Variants in ASTN2 observed in about 807,000 individuals in gnomAD.
ASTN2 encodes the protein astrotactin-2.
In ASTN2, 54 loss-of-function variants were observed where a neutral mutation model predicts 139.8. The ratio of observed to expected loss-of-function variants is 0.39; its 90% CI spans 0.31 to 0.48. The LOEUF (loss-of-function observed/expected upper bound fraction) is 0.48. Among genes scored for constraint, ASTN2 ranks in the 20% least tolerant of loss-of-function variants. The pLI is 0.95. For missense variants in ASTN2, 1,565 were observed against 1,725.1 expected (o/e 0.91, Z 1.64); for synonymous variants, 756 against 719.5 (o/e 1.05, Z -0.81).
At chr9:116,461,877 GGAC>G (rs1441383414) in intron 20 of ASTN2, among the ~76,000 whole-genome samples, 1 of 152,086 alleles carries the variant, frequency 6.6e-6, no homozygotes, top group African/African-American at 2.4e-5. Flanking sequence ...ATTCACAGAT[GGAC>G]GACAACAGTG....
intron 7 of ASTN2, among the ~76,000 whole-genome samples, chr9:117,006,192 G>A (rs140471929): frequency 1.4e-4 from 22 of 152,058 alleles, no homozygotes; most frequent in Admixed American, 1.4e-3. Flanking sequence ...GGTTGCTAGA[G>A]GTTCTACTAC....
rs10983553 is a variant in ASTN2 at position 117,153,490 on chromosome 9, C to T, written c.1016-12012G>A. 3.3e-5 allele frequency among the ~76,000 whole-genome samples: 5 copies of T among 152,114 alleles called. No homozygotes were observed. In the East Asian group the frequency reaches 7.8e-4, roughly 24 times the overall value. On this transcript the variant is annotated intron_variant, in intron 3 of 22. Coordinates refer to ENST00000313400, the MANE Select transcript of ASTN2 (RefSeq NM_001365068.1). ...TGGCAGTGACTGACTGAAACACAACCCTTCAAGATACATATCATTATCTCT... is the reference window on the plus strand; with the variant it reads ...TGGCAGTGACTGACTGAAACACAACTCTTCAAGATACATATCATTATCTCT...
chr9:116,889,456 CG>C (rs547174111), intron 10 of ASTN2, among the ~76,000 whole-genome samples: 4 of 152,162 alleles, frequency 2.6e-5, no homozygotes, highest in South Asian at 4.2e-4. Flanking sequence ...CCCTGGCTTC[CG>C]GGTCCATCTC....
In ASTN2 at chr9:117,250,918, A is replaced by G. The variant is rs75974527; in HGVS notation, c.631-36176T>C. Among the ~76,000 whole-genome samples the G allele has an allele frequency of 9.5e-4, 145 of 152,300 alleles. 3 individuals are homozygous for G. In the East Asian group the frequency reaches 0.026, roughly 28 times the overall value. ...GAGTGATCTGATGAAGTGGGTGAGG[A>G]TAAGACAGGAAAACCCTGAGTCACC... is the stretch of plus-strand genomic sequence containing the variant. On this transcript the variant is annotated intron_variant, in intron 2 of 22. Coordinates refer to ENST00000313400, the MANE Select transcript of ASTN2 (RefSeq NM_001365068.1).
chr9:117,242,020 T>C (rs900790301), intron 2 of ASTN2, among the ~76,000 whole-genome samples: 12 of 141,500 alleles, frequency 8.5e-5, no homozygotes, highest in Non-Finnish European at 3.1e-5. Context: ...TTTTTTTTTT[T>C]TTTTTTTTTT....
At chr9:116,555,625 C>A (rs1852576364) in intron 19 of ASTN2, among the ~76,000 whole-genome samples, 1 of 151,864 alleles carries the variant, frequency 6.6e-6, no homozygotes, top group African/African-American at 2.4e-5. Context: ...GCTCTGAAGT[C>A]ACTGACAGAA....
At chr9:117,039,278 A>G (rs2132646807) in intron 6 of ASTN2, among the ~76,000 whole-genome samples, 1 of 152,322 alleles carries the variant, frequency 6.6e-6, no homozygotes, top group East Asian at 1.9e-4. Context: ...TGTCCTTTGT[A>G]GGGACATGGA....
intron 2 of ASTN2, among the ~76,000 whole-genome samples, chr9:117,282,629 ATAGAATGTGAG>A: frequency 6.7e-6 from 1 of 149,662 alleles, no homozygotes; most frequent in African/African-American, 2.6e-5. Context: ...GCTTTGGCCG[ATAGAATGTGAG>A]AGAACCCACA....
In ASTN2 at chr9:117,082,866, G is replaced by A. The variant is rs7022106; in HGVS notation, c.1276+13178C>T. Among the ~76,000 whole-genome samples the A allele has an allele frequency of 4.5e-3, 681 of 152,238 alleles. 2 individuals carry two copies. Among genetic ancestry groups the A allele is most frequent in the African/African-American group, 0.015 (634 of 41,530 alleles). ...CTCGTCATTTCATGGAGGTTCAAGT[G>A]CAGGCTCTTTCCTGCTCACACAGAC... On this transcript the variant is annotated intron_variant, in intron 5 of 22. Transcript: ENST00000313400.
chr9:117,251,308 C>T (rs960759938), intron 2 of ASTN2, among the ~76,000 whole-genome samples: 4 of 150,536 alleles, frequency 2.7e-5, no homozygotes, highest in Non-Finnish European at 5.9e-5. Context: ...TTAGGTAATG[C>T]TTTGTGCGAC....
intron 5 of ASTN2, among the ~76,000 whole-genome samples, chr9:117,055,739 T>C (rs981695887): frequency 5.9e-5 from 9 of 152,180 alleles, no homozygotes; most frequent in African/African-American, 1.2e-4. Context: ...AGGATTAGAT[T>C]TGGAGAAAAG....
At chr9:117,134,185 T>A (rs1393052984) in intron 4 of ASTN2, among the ~76,000 whole-genome samples, 1 of 150,760 alleles carries the variant, frequency 6.6e-6, no homozygotes, top group African/African-American at 2.4e-5. Context: ...AACGACCCAT[T>A]AAGGCAACTA....
At chr9:116,791,000 AAAGAAAGAAAGAAAGAAAG>A (rs1564269029) in intron 13 of ASTN2, among the ~76,000 whole-genome samples, 1 of 122,524 alleles carries the variant, frequency 8.2e-6, no homozygotes, top group Non-Finnish European at 1.7e-5. Flanking sequence ...AGAAAGAAAG[AAAGAAAGAAAGAAAGAAAG>A]AAAGAAAGAA....
intron 20 of ASTN2, among the ~76,000 whole-genome samples, chr9:116,467,373 TCTC>T (rs1848681249): frequency 6.6e-6 from 1 of 152,114 alleles, no homozygotes; most frequent in Non-Finnish European, 1.5e-5. Context: ...TTCAAGCAAT[TCTC>T]CTGCTTCAGC....
chr9:117,232,152 G>A (rs543617235), intron 2 of ASTN2, among the ~76,000 whole-genome samples: 9 of 152,238 alleles, frequency 5.9e-5, no homozygotes, highest in African/African-American at 2.2e-4. Flanking sequence ...AAGCATCTAG[G>A]AGCCTCATTT....
chr9:116,434,119 A>G (rs541737883), intron 22 of ASTN2, among the ~76,000 whole-genome samples: 1 of 152,274 alleles, frequency 6.6e-6, no homozygotes, highest in East Asian at 1.9e-4. Flanking sequence ...TTGTTAATTG[A>G]AGGTATAATT....
intron 20 of ASTN2, 42 bp from the exon 21 acceptor site, chr9:116,442,595 A>T (rs1183709751): frequency 2.6e-6 from 4 of 1,542,362 alleles, no homozygotes; most frequent in Non-Finnish European, 3.6e-6. Flanking sequence ...CTGTGACTTC[A>T]CAGAAGGCCC....
At chr9:117,008,320 C>T (rs1343013298) in intron 6 of ASTN2, 61 bp from the exon 7 acceptor site, 1 of 1,451,138 alleles carries the variant, frequency 6.9e-7, no homozygotes, top group African/African-American at 1.4e-5. Flanking sequence ...GCTGATGCTA[C>T]AGAACACAGA....
intron 1 of ASTN2, among the ~76,000 whole-genome samples, chr9:117,317,293 G>T (rs971056346): frequency 6.6e-6 from 1 of 152,052 alleles, no homozygotes; most frequent in Non-Finnish European, 1.5e-5. Context: ...GCCTCCTTCC[G>T]TGTTTCTCAT....
Sources: allele counts gnomAD v4.1 joint callset (sites outside exome capture counted in the v4.1 genomes callset), GRCh38; gene constraint gnomAD v4.1.1; transcripts MANE v1.5; gene names NCBI Gene and HGNC (gene_info 2026-07-23, HGNC 2026-07-21).